TSPEAR: variants seen among roughly 807,000 people sequenced by gnomAD.
TSPEAR encodes the protein thrombospondin-type laminin G domain and EAR repeat-containing protein.
TSPEAR carries 69 observed loss-of-function variants against 71.6 expected under a neutral mutation model. The ratio of observed to expected loss-of-function variants is 0.96; its 90% CI spans 0.79 to 1.18. The LOEUF is 1.18. Ranked by LOEUF, TSPEAR falls within the 50% of genes most tolerant of loss-of-function variation. The pLI, the probability that TSPEAR is intolerant of heterozygous loss-of-function variation, is 0.00. For missense variants in TSPEAR, 971 were observed against 894.9 expected (o/e 1.09, Z -1.09); for synonymous variants, 402 against 387.2 (o/e 1.04, Z -0.45).
At chr21:44,511,702 C>T (rs369481416) in intron 9 of TSPEAR, among the ~76,000 whole-genome samples, 59 of 152,382 alleles carry the variant, frequency 3.9e-4, no homozygotes, top group African/African-American at 1.3e-3. Context: ...CCAGTGGAGC[C>T]CCTGCTTCTT....
chr21:44,555,130 G>A (rs2053504983), intron 2 of TSPEAR, among the ~76,000 whole-genome samples: 1 of 152,182 alleles, frequency 6.6e-6, no homozygotes, highest in Non-Finnish European at 1.5e-5. Context: ...AACCGAAACA[G>A]GCGGAAACCT....
intron 1 of TSPEAR, among the ~76,000 whole-genome samples, chr21:44,694,839 C>T (rs902373980): frequency 7.9e-5 from 12 of 152,150 alleles, no homozygotes; most frequent in African/African-American, 2.9e-4. Flanking sequence ...GAGAAGGCGG[C>T]GCTCACAGAG....
chr21:44,543,623 G>A lies in TSPEAR; in HGVS notation c.304-9700C>T, dbSNP rs75858704. Among the ~76,000 whole-genome samples, 748 of 152,314 alleles carry A rather than the reference G, an allele frequency of 4.9e-3. 7 individuals carry two copies. Among genetic ancestry groups the A allele is most frequent in the African/African-American group, 0.017 (703 of 41,560 alleles). ...TCCAATGTCTAGTGTCTTTACCAGA[G>A]AAAGGAGAAGGAAGTTCAGACATAC... is the stretch of plus-strand genomic sequence containing the variant. On this transcript the variant is annotated intron_variant, in intron 2 of 11. Coordinates refer to ENST00000323084, the MANE Select transcript of TSPEAR (RefSeq NM_144991.3).
At chr21:44,531,011 G>T in intron 4 of TSPEAR, 32 bp downstream of exon 4, 1 of 1,569,552 alleles carries the variant, frequency 6.4e-7, no homozygotes, top group Non-Finnish European at 8.8e-7. Flanking sequence ...CCCGCAGCAC[G>T]GGTGTTGGGA....
rs2052268966 is a variant in TSPEAR, at chr21:44,508,771, A to G, written c.1754+428T>C. 29 of 1,290,682 alleles carry G rather than the reference A, an allele frequency of 2.2e-5. No homozygotes were observed. The South Asian group carries it at 3.6e-4, about 16-fold the overall frequency. The allele number at this position is 1,290,682 out of a possible 1,614,324, so 80.0% of individuals were successfully genotyped here. ...TGTTTGTTGTCGGGGAGGATGCAAC[A>G]TCGGGGGAAGGAAGTAATCATGTCT... On this transcript the variant is annotated intron_variant, in intron 10 of 11. Transcript: ENST00000323084.
chr21:44,612,535 C>T lies in TSPEAR; in HGVS notation c.83-44530G>A, dbSNP rs1981770939. On this transcript the variant is annotated intron_variant, in intron 1 of 11. Coordinates refer to ENST00000323084, the MANE Select transcript of TSPEAR (RefSeq NM_144991.3). The surrounding 1 kb of genome is among the most constrained non-coding windows in gnomAD (Gnocchi z 4.1). Reference sequence around the variant, plus strand: ...TCTGCTCTGGAGCTTCCTCCCCATGCTGCCAGCAGTCTAGCTGCCAGTCAG... The same window carrying T: ...TCTGCTCTGGAGCTTCCTCCCCATGTTGCCAGCAGTCTAGCTGCCAGTCAG... 1 of 1,612,424 alleles carries T rather than the reference C, an allele frequency of 6.2e-7. No homozygotes were observed. The highest frequency in any genetic ancestry group is 1.7e-5 in the Admixed American group (1 of 59,898).
rs1555931398 is a variant in TSPEAR at position 44,612,491 on chromosome 21, C to A, written c.83-44486G>T. Reference sequence around the variant, plus strand: ...GTGCTGCAAGTCCAACTGCTGCAAGCCCGTGTGCTGCGTGTCCATCTGCTC... The same window carrying A: ...GTGCTGCAAGTCCAACTGCTGCAAGACCGTGTGCTGCGTGTCCATCTGCTC... On this transcript the variant is annotated intron_variant, in intron 1 of 11. Transcript: ENST00000323084. This position sits in a 1 kb window ranked among gnomAD's most constrained non-coding sequence, Gnocchi z 4.1. 6.2e-7 allele frequency: 1 copy of A among 1,609,848 alleles called. No homozygotes were observed. The highest frequency in any genetic ancestry group is 1.7e-5 in the Admixed American group (1 of 59,812).
At chr21:44,691,072 A>C (rs940140615) in intron 1 of TSPEAR, among the ~76,000 whole-genome samples, 6 of 140,456 alleles carry the variant, frequency 4.3e-5, no homozygotes, top group Non-Finnish European at 6.2e-5. Flanking sequence ...CCTTCCCTTC[A>C]TCTCCCCTCG....
chr21:44,682,826 A>G (rs1364603846), intron 1 of TSPEAR, among the ~76,000 whole-genome samples: 3 of 152,226 alleles, frequency 2.0e-5, no homozygotes, highest in Non-Finnish European at 4.4e-5. Context: ...CCGAGGAGGA[A>G]GGGGCCAGCG....
rs1555953489 is a variant in TSPEAR at position 44,711,009 on chromosome 21, C to T, written c.82+424G>A. On this transcript the variant is annotated intron_variant, in intron 1 of 11. Coordinates refer to ENST00000323084, the MANE Select transcript of TSPEAR (RefSeq NM_144991.3). The surrounding 1 kb of genome is among the most constrained non-coding windows in gnomAD (Gnocchi z 4.5). Reference sequence around the variant, plus strand: ...AGGGCCGGTGTGGCCCTTCGCTTTGCTGAGTGCAGGCTGGGGGCACCTCCA... The same window carrying T: ...AGGGCCGGTGTGGCCCTTCGCTTTGTTGAGTGCAGGCTGGGGGCACCTCCA... Among the ~76,000 whole-genome samples, 2 of 152,200 alleles carry T rather than the reference C, an allele frequency of 1.3e-5. No homozygotes were observed. The highest frequency in any genetic ancestry group is 2.9e-5 in the Non-Finnish European group (2 of 68,040).
rs1169146577 is a variant in TSPEAR at position 44,677,791 on chromosome 21, A to G, written c.82+33642T>C. The G allele has an allele frequency of 7.7e-6, 10 of 1,296,288 alleles. No homozygotes were observed. The African/African-American group carries it at 1.5e-4, about 19-fold the overall frequency. The allele number at this position is 1,296,288 out of a possible 1,614,324, so 80.3% of individuals were successfully genotyped here. On this transcript the variant is annotated intron_variant, in intron 1 of 11. Coordinates refer to ENST00000323084, the MANE Select transcript of TSPEAR (RefSeq NM_144991.3). Reference sequence around the variant, plus strand: ...CCAGACTGAGTTGATTTCTTTGGCAATGGAACATTATAAGGTGCAGAACCA... The same window carrying G: ...CCAGACTGAGTTGATTTCTTTGGCAGTGGAACATTATAAGGTGCAGAACCA...
At chr21:44,592,655 C>G (rs1000483021) in intron 1 of TSPEAR, 24 of 1,087,612 alleles carry the variant, frequency 2.2e-5, no homozygotes, top group Non-Finnish European at 2.7e-5. Context: ...TGATGTGGGC[C>G]AGCTCATAAA....
intron 2 of TSPEAR, among the ~76,000 whole-genome samples, chr21:44,552,181 G>A (rs1260593021): frequency 6.6e-6 from 1 of 152,172 alleles, no homozygotes; most frequent in Non-Finnish European, 1.5e-5. Context: ...GCAGATCCAG[G>A]CCTGGGGGTG....
At chr21:44,575,764 G>T (rs1276646811) in intron 1 of TSPEAR, among the ~76,000 whole-genome samples, 2 of 152,212 alleles carry the variant, frequency 1.3e-5, no homozygotes, top group Admixed American at 1.3e-4. Context: ...AACCTCTTGT[G>T]CCCTGTGCAG....
At chr21:44,656,505 G>C (rs1985157150) in intron 1 of TSPEAR, among the ~76,000 whole-genome samples, 1 of 152,242 alleles carries the variant, frequency 6.6e-6, no homozygotes, top group Non-Finnish European at 1.5e-5. Context: ...TTGTCTTCTG[G>C]CCTCCACTGT....
chr21:44,579,419 A>G, intron 1 of TSPEAR: 1 of 417,488 alleles, frequency 2.4e-6, no homozygotes, highest in South Asian at 3.5e-5. Context: ...TGAGCTCAAA[A>G]CCATGTATCC....
intron 1 of TSPEAR, among the ~76,000 whole-genome samples, chr21:44,613,572 C>T (rs1555931756): frequency 6.6e-6 from 1 of 152,206 alleles, no homozygotes; most frequent in African/African-American, 2.4e-5. Context: ...TGGTCACCCT[C>T]CCTGTGTGCC....
Position 44,567,999 on chromosome 21 carries a change from C to T in TSPEAR, c.89G>A (p.Arg30His), listed in dbSNP as rs782213192. 11 of 1,524,520 alleles carry T rather than the reference C, an allele frequency of 7.2e-6. No homozygotes were observed. Among genetic ancestry groups the T allele is most frequent in the Admixed American group, 6.1e-5 (3 of 49,090 alleles). The allele number at this position is 1,524,520 out of a possible 1,614,324, so 94.4% of individuals were successfully genotyped here. A position where few individuals can be genotyped will look rare whatever the true frequency, so the allele number is the denominator to read the frequency against. ...CACTTCCGCCAGGATGTCCAGGGGG[C>T]GCAGGTCTGTGGCAAAGAAATCACA... is the stretch of plus-strand genomic sequence containing the variant. ...TQGWEPCTDL[R>H]PLDILAEVVP... is the part of the protein sequence containing the mutation. The change falls in exon 2 of 12, where the codon CGC (arginine) becomes CAC (histidine). Residue 30 changes from arginine (R) to histidine (H), a missense_variant. By Grantham distance (29) the Arg-to-His change is conservative. Transcript: ENST00000323084.
Position 44,528,589 on chromosome 21 carries a change from G to A in TSPEAR, c.791-6C>T. The A allele has an allele frequency of 2.5e-6, 4 of 1,613,358 alleles. No homozygotes were observed. Among genetic ancestry groups the A allele is most frequent in the Non-Finnish European group, 3.4e-6 (4 of 1,179,694 alleles). ...CGTCACTCGAATGTTGGTTTCTGAGGGGAAGACCAGGAAGATGAGTTTCCA... is the reference window on the plus strand; with the variant it reads ...CGTCACTCGAATGTTGGTTTCTGAGAGGAAGACCAGGAAGATGAGTTTCCA... On this transcript the variant is annotated splice_region_variant and splice_polypyrimidine_tract_variant and intron_variant, in intron 5 of 11. Coordinates refer to ENST00000323084, the MANE Select transcript of TSPEAR (RefSeq NM_144991.3).
Sources: gnomAD v4.1 joint callset for allele counts (sites outside exome capture counted in the v4.1 genomes callset) on GRCh38, gnomAD v4.1.1 for gene constraint, Gnocchi (gnomAD v3.1) non-coding constraint, MANE v1.5 for transcripts, NCBI Gene and HGNC (gene_info 2026-07-23, HGNC 2026-07-21) for gene names.